Variants in DTNA observed in about 807,000 individuals in gnomAD.
DTNA encodes the protein dystrophin-related protein 3.
A neutral mutation model predicts 100.7 loss-of-function variants in DTNA; 43 were observed. That is an observed-to-expected ratio of 0.43 (90% CI 0.33 to 0.55). The LOEUF is 0.55. Ranked by LOEUF, DTNA falls within the 20% of genes least tolerant of loss-of-function variation. The pLI is 0.04. For missense variants in DTNA, 798 were observed against 953.9 expected (o/e 0.84, Z 2.15); for synonymous variants, 349 against 347.9 (o/e 1.00, Z -0.04).
intron 1 of DTNA, among the ~76,000 whole-genome samples, chr18:34,514,279 A>T (rs1323605024): frequency 6.6e-6 from 1 of 152,078 alleles, no homozygotes; most frequent in Non-Finnish European, 1.5e-5. Context: ...TCAAGCTTTT[A>T]GCATGCCTAA....
At chr18:34,521,444 A>C in intron 1 of DTNA, among the ~76,000 whole-genome samples, 1 of 152,186 alleles carries the variant, frequency 6.6e-6, no homozygotes, top group East Asian at 1.9e-4. Flanking sequence ...CAAAAGTATA[A>C]ATCAGAGGTA....
intron 1 of DTNA, among the ~76,000 whole-genome samples, chr18:34,594,492 C>T (rs2050184014): frequency 6.6e-6 from 1 of 152,182 alleles, no homozygotes; most frequent in Non-Finnish European, 1.5e-5. Context: ...TCTGCTGACG[C>T]TGTTATTACA....
At chr18:34,762,288 C>G (rs2093225401) in intron 2 of DTNA, among the ~76,000 whole-genome samples, 1 of 152,174 alleles carries the variant, frequency 6.6e-6, no homozygotes, top group Non-Finnish European at 1.5e-5. Context: ...AGCTGTTGGA[C>G]TGTGCATGTG....
At chr18:34,658,070 T>C (rs920481183) in intron 1 of DTNA, among the ~76,000 whole-genome samples, 5 of 152,276 alleles carry the variant, frequency 3.3e-5, no homozygotes, top group Admixed American at 2.6e-4. Context: ...AACTCCAAAG[T>C]CTTCTAAGTA....
Position 34,879,662 on chromosome 18 carries a change from C to T in DTNA, c.2105C>T (p.Ala702Val), listed in dbSNP as rs867282556. Residue 702 changes from alanine (A) to valine (V), a missense_variant, in exon 20 of 23, where the codon GCC becomes GTC. Physicochemically the swap from Ala to Val is moderately conservative, Grantham distance 64 (BLOSUM62 0). Coordinates refer to ENST00000444659, the MANE Select transcript of DTNA (RefSeq NM_001386795.1). ...AAGGCTTTTCTAGCGCAAATCCATG[C>T]CCGAAAACCTGGGTACATTCACAGT... ...SEKAFLAQIH[A>V]RKPGYIHSGA... 6.2e-7 allele frequency: 1 copy of T among 1,614,084 alleles called. No individual in the cohort carries two copies. Among genetic ancestry groups the T allele is most frequent in the East Asian group, 2.2e-5 (1 of 44,870 alleles).
chr18:34,754,603 G>A (rs1393531775), intron 1 of DTNA, among the ~76,000 whole-genome samples: 2 of 152,166 alleles, frequency 1.3e-5, no homozygotes, highest in Admixed American at 6.5e-5. Flanking sequence ...AAGGCACTCA[G>A]TAAAGGCTTG....
chr18:34,771,923 T>A (rs2093794324), intron 3 of DTNA, among the ~76,000 whole-genome samples: 1 of 151,766 alleles, frequency 6.6e-6, no homozygotes, highest in Non-Finnish European at 1.5e-5. Flanking sequence ...ATTGACGTGG[T>A]TAATGATCCA....
At chr18:34,606,233 G>T (rs1452380149) in intron 1 of DTNA, among the ~76,000 whole-genome samples, 1 of 152,020 alleles carries the variant, frequency 6.6e-6, no homozygotes, top group Non-Finnish European at 1.5e-5. Context: ...AAATCTACTT[G>T]ATATAGCTGC....
At chr18:34,646,192 A>T (rs1199012980) in intron 1 of DTNA, among the ~76,000 whole-genome samples, 1 of 152,198 alleles carries the variant, frequency 6.6e-6, no homozygotes, top group African/African-American at 2.4e-5. Flanking sequence ...AACATCTCTC[A>T]TTAGATGATG....
intron 17 of DTNA, 39 bp from the exon 18 acceptor site, chr18:34,875,200 C>A: frequency 6.2e-7 from 1 of 1,609,238 alleles, no homozygotes; most frequent in Non-Finnish European, 8.5e-7. Context: ...ATGACATTTT[C>A]TTGGGAAAGC....
intron 1 of DTNA, among the ~76,000 whole-genome samples, chr18:34,515,841 C>T (rs866745027): frequency 2.6e-5 from 4 of 152,100 alleles, no homozygotes; most frequent in Middle Eastern, 3.2e-3. Flanking sequence ...CTCTTATCCT[C>T]TACTTTTGTC....
At chr18:34,738,953 G>C (rs923506174) in intron 1 of DTNA, among the ~76,000 whole-genome samples, 1 of 152,110 alleles carries the variant, frequency 6.6e-6, no homozygotes, top group Non-Finnish European at 1.5e-5. Context: ...ATATGTGCAG[G>C]TTTGCTACCT....
chr18:34,546,077 A>G (rs1381969489), intron 1 of DTNA, among the ~76,000 whole-genome samples: 1 of 152,160 alleles, frequency 6.6e-6, no homozygotes, highest in Admixed American at 6.6e-5. Flanking sequence ...GTAAATTGGT[A>G]CAAGAGCATA....
In DTNA at chr18:34,811,948, C is replaced by G. The variant is rs1421507961; in HGVS notation, c.449-11C>G. On this transcript the variant is annotated splice_polypyrimidine_tract_variant and intron_variant, in intron 5 of 22. Transcript: ENST00000444659. The stretch of plus-strand genomic sequence containing the variant: ...TGTGATGAATAATATCTTTCCTTTT[C>G]CTTTCATCAGATATTTTCTCAATGA... The G allele has an allele frequency of 3.7e-6, 6 of 1,613,532 alleles. No individual in the cohort carries two copies. The highest frequency in any genetic ancestry group is 4.2e-6 in the Non-Finnish European group (5 of 1,179,758).
chr18:34,729,736 G>A (rs906088722), intron 1 of DTNA, among the ~76,000 whole-genome samples: 3 of 151,940 alleles, frequency 2.0e-5, no homozygotes, highest in African/African-American at 7.3e-5. Flanking sequence ...CTCTAAATTA[G>A]GACACAAAGA....
At chr18:34,703,583 A>C (rs2081690477) in intron 1 of DTNA, among the ~76,000 whole-genome samples, 1 of 152,132 alleles carries the variant, frequency 6.6e-6, no homozygotes, top group Non-Finnish European at 1.5e-5. Context: ...TGGAGAACTG[A>C]CCAGTGTGGA....
chr18:34,550,912 C>G (rs1035286131), intron 1 of DTNA, among the ~76,000 whole-genome samples: 2 of 152,156 alleles, frequency 1.3e-5, no homozygotes, highest in Non-Finnish European at 2.9e-5. Flanking sequence ...ATTCCTATAA[C>G]TATTCAGTTA....
chr18:34,497,846 T>A (rs2039425248), intron 1 of DTNA, among the ~76,000 whole-genome samples: 2 of 152,214 alleles, frequency 1.3e-5, no homozygotes, highest in South Asian at 2.1e-4. Context: ...ATGTATTTTT[T>A]AATTCAAAAA....
intron 1 of DTNA, among the ~76,000 whole-genome samples, chr18:34,640,772 T>A (rs2059184659): frequency 6.6e-6 from 1 of 152,238 alleles, no homozygotes; most frequent in South Asian, 2.1e-4. Flanking sequence ...CCAGCCTTGA[T>A]CTAGCCTACC....
Sources: gnomAD v4.1 joint callset for allele counts (sites outside exome capture counted in the v4.1 genomes callset) on GRCh38, gnomAD v4.1.1 for gene constraint, MANE v1.5 for transcripts, NCBI Gene and HGNC (gene_info 2026-07-23, HGNC 2026-07-21) for gene names.